Variants in MMRN1 observed in about 807,000 individuals in gnomAD.
MMRN1 encodes the protein multimerin-1.
MMRN1 carries 94 observed loss-of-function variants against 100.7 expected under a neutral mutation model. The observed-to-expected ratio is 0.93, with a 90% CI of 0.79 to 1.11. The LOEUF is 1.11. Among genes scored for constraint, MMRN1 ranks in the 50% least tolerant of loss-of-function variants. MMRN1 has a pLI of 0.00. For missense variants in MMRN1, 1,606 were observed against 1,439.1 expected, an observed-to-expected ratio of 1.12 and a Z score of -1.88; for synonymous variants, 575 against 505.0, an observed-to-expected ratio of 1.14 and a Z score of -1.86.
At chr4:89,889,533 C>A (rs1721004620) in intron 1 of MMRN1, among the ~76,000 whole-genome samples, 1 of 152,140 alleles carries the variant, frequency 6.6e-6, no homozygotes, top group African/African-American at 2.4e-5. Context: ...CCAGTCACAT[C>A]CGCCTGTGGG....
Position 89,936,424 on chromosome 4 carries a change from T to C in MMRN1, c.2744T>C (p.Ile915Thr), listed in dbSNP as rs778801297. Residue 915 changes from isoleucine (I) to threonine (T), a missense_variant, in exon 6 of 8, where the codon ATT (isoleucine) becomes ACT (threonine). Coordinates refer to ENST00000264790, the MANE Select transcript of MMRN1 (RefSeq NM_007351.3). ...GAAGCAAAATCTATCCATCTTTCAA[T>C]TAACTTCTTTTCGCTTAACAAAACT... The part of the protein sequence containing the change: ...ALEAKSIHLS[I>T]NFFSLNKTLH... The C allele has an allele frequency of 1.2e-6, 2 of 1,609,340 alleles. No individual in the cohort carries two copies. Among genetic ancestry groups the C allele is most frequent in the Non-Finnish European group, 1.7e-6 (2 of 1,178,678 alleles).
At chr4:89,890,441 C>T (rs1234719570), upstream of MMRN1, among the ~76,000 whole-genome samples, 1 of 152,008 alleles carries the variant, frequency 6.6e-6, no homozygotes, top group East Asian at 1.9e-4. Context: ...CTTGGGAACT[C>T]AGTGCTTCAT....
intron 1 of MMRN1, among the ~76,000 whole-genome samples, chr4:89,898,948 A>G (rs1435240878): frequency 2.0e-5 from 3 of 152,138 alleles, no homozygotes; most frequent in Non-Finnish European, 4.4e-5. Flanking sequence ...TAGCAGGTAC[A>G]CAATCAATAT....
chr4:89,898,275 T>G (rs961518080), intron 1 of MMRN1, among the ~76,000 whole-genome samples: 1 of 152,150 alleles, frequency 6.6e-6, no homozygotes, highest in Non-Finnish European at 1.5e-5. Context: ...TATTCACTCA[T>G]TTAATCATTA....
At chr4:89,903,551 A>G (rs185967853) in intron 1 of MMRN1, among the ~76,000 whole-genome samples, 14 of 151,980 alleles carry the variant, frequency 9.2e-5, no homozygotes, top group Non-Finnish European at 1.9e-4. Context: ...TATTGAGGCC[A>G]TATTATATAT....
intron 6 of MMRN1, among the ~76,000 whole-genome samples, chr4:89,941,756 C>G (rs2110644308): frequency 1.3e-5 from 2 of 152,276 alleles, no homozygotes; most frequent in Middle Eastern, 3.4e-3. Flanking sequence ...CTACTATGTT[C>G]ACTCTTCTCT....
At chr4:89,922,448 C>T (rs1394512961) in intron 3 of MMRN1, among the ~76,000 whole-genome samples, 3 of 152,150 alleles carry the variant, frequency 2.0e-5, no homozygotes, top group Non-Finnish European at 4.4e-5. Flanking sequence ...AAATTGTTTT[C>T]CCCAATGAAA....
intron 6 of MMRN1, among the ~76,000 whole-genome samples, chr4:89,943,670 G>T (rs1560598623): frequency 1.3e-5 from 2 of 152,242 alleles, no homozygotes; most frequent in Non-Finnish European, 1.5e-5. Flanking sequence ...GGCTCAGAAA[G>T]CTTTGTAATT....
rs150026338 is a variant in MMRN1 at position 89,944,624 on chromosome 4, A to T, written c.3119-6981A>T. Among the ~76,000 whole-genome samples, 648 of 152,322 alleles carry T rather than the reference A, an allele frequency of 4.3e-3. 7 individuals carry two copies. The highest frequency in any genetic ancestry group is 4.3e-3 in the Non-Finnish European group (293 of 68,032). On this transcript the variant is annotated intron_variant, in intron 6 of 7. Coordinates refer to ENST00000264790, the MANE Select transcript of MMRN1 (RefSeq NM_007351.3). ...GGGTTGTTTAGAGGCAGGCAAAGCG[A>T]TGTTAAGACGGCTATAATCATCTAG...
chr4:89,948,423 C>T (rs1723057995), intron 6 of MMRN1, among the ~76,000 whole-genome samples: 1 of 151,964 alleles, frequency 6.6e-6, no homozygotes, highest in Admixed American at 6.6e-5. Context: ...TAACTCATGT[C>T]TAATAAGATA....
At chr4:89,905,597 T>C (rs1410139161) in intron 1 of MMRN1, among the ~76,000 whole-genome samples, 2 of 151,448 alleles carry the variant, frequency 1.3e-5, no homozygotes, top group Non-Finnish European at 3.0e-5. Flanking sequence ...CACCTGATAA[T>C]CTTATTTCTT....
intron 1 of MMRN1, among the ~76,000 whole-genome samples, chr4:89,900,591 G>A (rs1721352513): frequency 6.6e-6 from 1 of 151,842 alleles, no homozygotes; most frequent in Non-Finnish European, 1.5e-5. Context: ...TGTATTTTAT[G>A]TCTTTCCGCA....
At chr4:89,890,249 T>TC (rs10608251), upstream of MMRN1, among the ~76,000 whole-genome samples, 7 of 143,198 alleles carry the variant, frequency 4.9e-5, no homozygotes, top group Middle Eastern at 3.6e-3. Context: ...TTTTTTTTTT[T>TC]CCCCTGTGCT....
rs758194010 is a variant in MMRN1, at chr4:89,911,957, T to C, written c.757T>C (p.Ser253Pro). The C allele has an allele frequency of 1.7e-5, 27 of 1,596,496 alleles. No homozygotes were observed. The highest frequency in any genetic ancestry group is 1.7e-4 in the Middle Eastern group (1 of 6,010). Residue 253 changes from serine to proline, a missense_variant, in exon 3 of 8, where the codon TCC becomes CCC. Ser to Pro is a moderately conservative substitution (Grantham distance 74, BLOSUM62 -1). Coordinates refer to ENST00000264790, the MANE Select transcript of MMRN1 (RefSeq NM_007351.3). ...GSCPQRSQKI[S>P]NPVYRMQHKI... ...TCAACTCTCTAGATCTCAGAAGATA[T>C]CCAATCCTGTCTATAGGATGCAACA...
chr4:89,906,334 T>C (rs1433748012), intron 1 of MMRN1, among the ~76,000 whole-genome samples: 1 of 151,608 alleles, frequency 6.6e-6, no homozygotes, highest in African/African-American at 2.4e-5. Context: ...TAACCAAAGA[T>C]GTCTGCTTTT....
intron 1 of MMRN1, among the ~76,000 whole-genome samples, chr4:89,883,905 A>C (rs1720875407): frequency 6.6e-6 from 1 of 152,106 alleles, no homozygotes; most frequent in African/African-American, 2.4e-5. Context: ...AACATCTCAA[A>C]TTAATTTTTG....
intron 3 of MMRN1, among the ~76,000 whole-genome samples, chr4:89,922,210 C>T (rs1348744353): frequency 6.6e-6 from 1 of 151,992 alleles, no homozygotes; most frequent in Non-Finnish European, 1.5e-5. Flanking sequence ...GTTCAATAGA[C>T]TCTCCTGCCT....
chr4:89,936,886 A>G, intron 6 of MMRN1, 88 bp downstream of exon 6: 1 of 1,157,742 alleles, frequency 8.6e-7, no homozygotes, highest in Non-Finnish European at 1.2e-6. Flanking sequence ...AGACCATTAA[A>G]CATAAAACTA....
rs3836648 is a variant in MMRN1 at position 89,949,841 on chromosome 4, CA to C, written c.3119-1760del. On this transcript the variant is annotated intron_variant, in intron 6 of 7. Transcript: ENST00000264790. ...GAATTTCAATTGTATGGCTATGAAACAAAATGTATATAAAAATTTATAGGTC... is the reference window on the plus strand; with the variant it reads ...GAATTTCAATTGTATGGCTATGAAACAAATGTATATAAAAATTTATAGGTC... Among the ~76,000 whole-genome samples the C allele has an allele frequency of 1.1e-4, 16 of 152,162 alleles. No homozygotes were observed. The East Asian group carries it at 3.1e-3, about 29-fold the overall frequency.
Sources: gnomAD v4.1 joint callset for allele counts (sites outside exome capture counted in the v4.1 genomes callset) on GRCh38, gnomAD v4.1.1 for gene constraint, MANE v1.5 for transcripts, NCBI Gene and HGNC (gene_info 2026-07-23, HGNC 2026-07-21) for gene names.